HABP4: variants seen among roughly 807,000 people sequenced by gnomAD.
HABP4 encodes the protein hyaluronan binding protein 4.
HABP4 carries 32 observed loss-of-function variants against 44.1 expected under a neutral mutation model. The ratio of observed to expected loss-of-function variants is 0.73; its 90% CI spans 0.55 to 0.97. The LOEUF (loss-of-function observed/expected upper bound fraction) is 0.97, where lower values mean the gene tolerates loss of function less well. Ranked by LOEUF, HABP4 falls within the 50% of genes least tolerant of loss-of-function variation. HABP4 has a pLI of 0.00. For synonymous variants in HABP4, 216 were observed against 218.0 expected (o/e 0.99, Z 0.08); for missense variants, 503 against 561.9 (o/e 0.90, Z 1.06).
chr9:96,475,237 A>G (rs984644475), intron 5 of HABP4, among the ~76,000 whole-genome samples: 1 of 152,016 alleles, frequency 6.6e-6, no homozygotes, highest in Non-Finnish European at 1.5e-5. Context: ...TTAGCTGGGT[A>G]TGGTAGCGGG....
intron 1 of HABP4, among the ~76,000 whole-genome samples, chr9:96,456,769 AAAAAAAAAAAAATATATATATATATAT>A (rs1315496561): frequency 6.1e-5 from 4 of 65,454 alleles, no homozygotes; most frequent in Non-Finnish European, 2.7e-5. Context: ...CAAAAAAAAA[AAAAAAAAAAAAATATATATATATATAT>A]ATATATATAT....
intron 6 of HABP4, among the ~76,000 whole-genome samples, chr9:96,487,856 C>T (rs1222192906): frequency 6.6e-6 from 1 of 152,162 alleles, no homozygotes; most frequent in Non-Finnish European, 1.5e-5. Flanking sequence ...ATTGTAATTG[C>T]AAGAATGTGG....
At chr9:96,479,750 A>G (rs1832845195) in intron 5 of HABP4, among the ~76,000 whole-genome samples, 1 of 152,002 alleles carries the variant, frequency 6.6e-6, no homozygotes, top group Non-Finnish European at 1.5e-5. Context: ...ACCTCAGGTG[A>G]TCAACTGGCC....
chr9:96,478,085 G>A (rs532056863), intron 5 of HABP4, among the ~76,000 whole-genome samples: 1 of 152,284 alleles, frequency 6.6e-6, no homozygotes, highest in South Asian at 2.1e-4. Context: ...CTGTTTACCT[G>A]GTGGTGATCA....
intron 6 of HABP4, among the ~76,000 whole-genome samples, chr9:96,485,456 G>A (rs1032190481): frequency 5.9e-5 from 9 of 152,184 alleles, no homozygotes; most frequent in Non-Finnish European, 7.4e-5. Flanking sequence ...TGCAGACGTG[G>A]CGGGAGATGA....
chr9:96,484,388 T>C, intron 5 of HABP4, 74 bp from the exon 6 acceptor site: 1 of 688,182 alleles, frequency 1.5e-6, no homozygotes, highest in Non-Finnish European at 2.5e-6. Flanking sequence ...TTAATGGTTA[T>C]AACTTTTTCT....
At chr9:96,480,199 ATCTATC>A (rs1014190070) in intron 5 of HABP4, among the ~76,000 whole-genome samples, 36 of 151,970 alleles carry the variant, frequency 2.4e-4, no homozygotes, top group African/African-American at 8.0e-4. Flanking sequence ...CAAAAAAACT[ATCTATC>A]TCTATCGGTG....
At chr9:96,463,783 A>G (rs1174877587) in intron 2 of HABP4, among the ~76,000 whole-genome samples, 1 of 152,086 alleles carries the variant, frequency 6.6e-6, no homozygotes, top group Non-Finnish European at 1.5e-5. Context: ...TTTACCCACT[A>G]TTGTATAGCG....
At chr9:96,456,499 G>T (rs908734594) in intron 1 of HABP4, among the ~76,000 whole-genome samples, 16 of 151,904 alleles carry the variant, frequency 1.1e-4, no homozygotes, top group African/African-American at 3.9e-4. Context: ...AGTGGCTCAC[G>T]CCTGTAATCC....
intron 1 of HABP4, among the ~76,000 whole-genome samples, chr9:96,456,708 C>T (rs1276761965): frequency 3.7e-5 from 5 of 133,478 alleles, no homozygotes; most frequent in Non-Finnish European, 4.6e-5. Context: ...TGCAGTGAGC[C>T]GAGATGGCGC....
chr9:96,465,332 C>T lies in HABP4; in HGVS notation c.513-5C>T, dbSNP rs369514935. 134 of 1,598,906 alleles carry T rather than the reference C, an allele frequency of 8.4e-5. No homozygotes were observed. The highest frequency in any genetic ancestry group is 1.1e-4 in the Non-Finnish European group (131 of 1,166,482). ...CCAGTTTTTATTATATCCACTCCTT[C>T]CTAGACCAGGTGATAGGTTTGATCG... On this transcript the variant is annotated splice_region_variant and splice_polypyrimidine_tract_variant and intron_variant, in intron 2 of 7. Transcript: ENST00000375249.
chr9:96,479,005 T>G (rs1484320953), intron 5 of HABP4, among the ~76,000 whole-genome samples: 4 of 152,194 alleles, frequency 2.6e-5, no homozygotes, highest in African/African-American at 9.7e-5. Context: ...TCTGTATTCT[T>G]TAGTAAAGCT....
At chr9:96,462,465 T>C (rs556136311) in intron 2 of HABP4, among the ~76,000 whole-genome samples, 28 of 149,336 alleles carry the variant, frequency 1.9e-4, no homozygotes, top group African/African-American at 6.4e-4. Context: ...AAAAAAAAAA[T>C]TGCCAGGCGT....
At position 96,488,317 on chromosome 9, in the gene HABP4, G is replaced by A. The variant is rs1231504667; in HGVS notation, c.1185+43G>A. 1.1e-5 allele frequency: 15 copies of A among 1,397,514 alleles called. No individual in the cohort carries two copies. The highest frequency in any genetic ancestry group is 1.4e-5 in the Non-Finnish European group (14 of 1,005,786). The allele number at this position is 1,397,514 out of a possible 1,614,324, so 86.6% of individuals were successfully genotyped here. A position where few individuals can be genotyped will look rare whatever the true frequency, so the allele number is the denominator to read the frequency against. ...CGGTTTGGCGAAAGAAGTTAATAAG[G>A]ACAGTGCCCTGGGCCCAGGATGGTC... On this transcript the variant is annotated intron_variant, in intron 7 of 7. Transcript: ENST00000375249. This position sits in a 1 kb window ranked among gnomAD's most constrained non-coding sequence, Gnocchi z 4.6.
chr9:96,489,840 C>T (rs953127181), intron 7 of HABP4, 142 bp from the exon 8 acceptor site: 9 of 686,218 alleles, frequency 1.3e-5, no homozygotes, highest in Admixed American at 4.2e-5. Context: ...TTAGCAGTGA[C>T]CTGTGACTCT....
intron 2 of HABP4, among the ~76,000 whole-genome samples, chr9:96,461,506 A>G (rs954491794): frequency 5.3e-5 from 8 of 152,214 alleles, no homozygotes; most frequent in Non-Finnish European, 7.4e-5. Flanking sequence ...GTTTACTCCC[A>G]GAATATGTGC....
chr9:96,463,154 C>T (rs1479701821), intron 2 of HABP4, among the ~76,000 whole-genome samples: 1 of 152,104 alleles, frequency 6.6e-6, no homozygotes, highest in Non-Finnish European at 1.5e-5. Flanking sequence ...CCATGTTGCC[C>T]AAGCTAGTCT....
At chr9:96,452,923 T>G (rs1364221766) in intron 1 of HABP4, among the ~76,000 whole-genome samples, 2 of 143,748 alleles carry the variant, frequency 1.4e-5, no homozygotes, top group South Asian at 2.2e-4. Context: ...TTTTTTTTTT[T>G]TTTTTTTTTT....
chr9:96,454,773 C>T (rs1014169863), intron 1 of HABP4, among the ~76,000 whole-genome samples: 3 of 152,210 alleles, frequency 2.0e-5, no homozygotes, highest in Non-Finnish European at 2.9e-5. Context: ...TAATAAAGCA[C>T]GTGCCCCCAG....
Sources: allele counts gnomAD v4.1 joint callset (sites outside exome capture counted in the v4.1 genomes callset), GRCh38; gene constraint gnomAD v4.1.1; non-coding constraint Gnocchi (gnomAD v3.1); transcripts MANE v1.5; gene names NCBI Gene and HGNC (gene_info 2026-07-23, HGNC 2026-07-21).